SNAP25: variants seen among roughly 807,000 people sequenced by gnomAD.
The protein encoded by SNAP25 is synaptosomal-associated protein 25.
In SNAP25, 3 loss-of-function variants were observed where a neutral mutation model predicts 28.7. The ratio of observed to expected loss-of-function variants is 0.10; its 90% CI spans 0.05 to 0.27. SNAP25 has a LOEUF of 0.27. Among genes scored for constraint, SNAP25 ranks in the 10% least tolerant of loss-of-function variants. The probability of loss-of-function intolerance (pLI) is 1.00; values close to 1 mark genes in which losing one functional copy is unlikely to be tolerated. For missense variants in SNAP25, 117 were observed against 278.7 expected (o/e 0.42, Z 4.13); for synonymous variants, 61 against 88.1 (o/e 0.69, Z 1.72).
At chr20:10,294,446 G>C (rs1316990945) in intron 5 of SNAP25, among the ~76,000 whole-genome samples, 2 of 152,082 alleles carry the variant, frequency 1.3e-5, no homozygotes, top group African/African-American at 4.8e-5. Context: ...GCATGCTCTT[G>C]CTCCCTTCCA....
intron 1 of SNAP25, among the ~76,000 whole-genome samples, chr20:10,269,871 A>G (rs1338721882): frequency 6.6e-6 from 1 of 152,248 alleles, no homozygotes; most frequent in African/African-American, 2.4e-5. Flanking sequence ...CAAGGCCAAT[A>G]CAAGAACAGC....
chr20:10,225,856 G>A (rs2062726222), intron 1 of SNAP25, among the ~76,000 whole-genome samples: 1 of 151,060 alleles, frequency 6.6e-6, no homozygotes, highest in South Asian at 2.1e-4. Context: ...CCTTGAATCA[G>A]TGGTTTCTGT....
At chr20:10,242,280 C>T (rs919988364) in intron 1 of SNAP25, among the ~76,000 whole-genome samples, 11 of 152,128 alleles carry the variant, frequency 7.2e-5, no homozygotes. Flanking sequence ...TCAGCTGATC[C>T]CAGAGGAGCC....
At position 10,299,310 on chromosome 20, in the gene SNAP25, A is replaced by G. The variant is rs1286496425; in HGVS notation, c.450A>G (p.Leu150=). The change falls in exon 7 of 8, where the codon CTA becomes CTG. Residue 150 remains leucine, a synonymous_variant. Transcript: ENST00000254976. ...GAGAAAATGAAATGGATGAAAACCTAGAGCAGGTGAGCGGCATCATCGGGA... is the reference window on the plus strand; with the variant it reads ...GAGAAAATGAAATGGATGAAAACCTGGAGCAGGTGAGCGGCATCATCGGGA... ...DARENEMDEN[L]EQVSGIIGNL... 1 of 1,614,132 alleles carries G rather than the reference A, an allele frequency of 6.2e-7. No individual in the cohort carries two copies. The highest frequency in any genetic ancestry group is 1.1e-5 in the South Asian group (1 of 91,076).
chr20:10,299,699 C>G (rs2064190544), intron 7 of SNAP25, among the ~76,000 whole-genome samples: 1 of 152,222 alleles, frequency 6.6e-6, no homozygotes. Flanking sequence ...GACACCACCC[C>G]TACTGCCAAG....
chr20:10,246,131 C>T (rs1017284847), intron 1 of SNAP25, among the ~76,000 whole-genome samples: 5 of 152,186 alleles, frequency 3.3e-5, no homozygotes, highest in African/African-American at 1.2e-4. Context: ...AGTGGCTTCA[C>T]GGAGAGCATA....
At chr20:10,292,746 C>A (rs2064026098) in intron 4 of SNAP25, 1 of 636,280 alleles carries the variant, frequency 1.6e-6, no homozygotes, top group Non-Finnish European at 2.7e-6. Context: ...CGGTAGCAGT[C>A]TTCAACAATG....
At chr20:10,228,036 A>C (rs1416987911) in intron 1 of SNAP25, among the ~76,000 whole-genome samples, 1 of 152,078 alleles carries the variant, frequency 6.6e-6, no homozygotes, top group African/African-American at 2.4e-5. Context: ...CTGGGAGAGA[A>C]TCATAAGCCT....
At chr20:10,221,512 G>A (rs1201487940) in intron 1 of SNAP25, among the ~76,000 whole-genome samples, 1 of 152,132 alleles carries the variant, frequency 6.6e-6, no homozygotes, top group Admixed American at 6.5e-5. Flanking sequence ...GATGGACATA[G>A]GATGAGCCAG....
chr20:10,237,683 C>A (rs190165594), intron 1 of SNAP25, among the ~76,000 whole-genome samples: 9 of 152,262 alleles, frequency 5.9e-5, no homozygotes, highest in Admixed American at 5.2e-4. Context: ...GTTCTCAGGA[C>A]AACATGCAGG....
intron 4 of SNAP25, among the ~76,000 whole-genome samples, chr20:10,289,918 C>T (rs536616879): frequency 1.3e-5 from 2 of 151,834 alleles, no homozygotes; most frequent in Non-Finnish European, 2.9e-5. Flanking sequence ...AACCAGTGAT[C>T]CAATATCATG....
chr20:10,241,627 A>C (rs2063035604), intron 1 of SNAP25, among the ~76,000 whole-genome samples: 1 of 152,006 alleles, frequency 6.6e-6, no homozygotes, highest in Non-Finnish European at 1.5e-5. Context: ...TCCAAGGAGG[A>C]GATGTTTATG....
rs144282153 is a variant in SNAP25, at chr20:10,243,685, A to G, written c.-64+24708A>G. On this transcript the variant is annotated intron_variant, in intron 1 of 7. Transcript: ENST00000254976. The stretch of plus-strand genomic sequence containing the variant: ...GCTAAGGTAAAGTGGCCTACTCATC[A>G]TTTCATGTCAGGGGATACAGTAGAT... Among the ~76,000 whole-genome samples, 40 of 152,256 alleles carry G rather than the reference A, an allele frequency of 2.6e-4. No individual in the cohort carries two copies. The East Asian group carries it at 4.8e-3, about 18-fold the overall frequency.
chr20:10,227,347 A>G (rs1030662268), intron 1 of SNAP25, among the ~76,000 whole-genome samples: 6 of 152,126 alleles, frequency 3.9e-5, no homozygotes, highest in African/African-American at 9.7e-5. Flanking sequence ...TTCAGTACCT[A>G]TAACAGTGCC....
chr20:10,300,564 G>A (rs1223687591), intron 7 of SNAP25, among the ~76,000 whole-genome samples: 3 of 152,116 alleles, frequency 2.0e-5, no homozygotes, highest in Non-Finnish European at 4.4e-5. Context: ...ATACTTTTAA[G>A]ATTTTTAGAA....
chr20:10,230,646 C>T (rs967205350), intron 1 of SNAP25, among the ~76,000 whole-genome samples: 1 of 152,122 alleles, frequency 6.6e-6, no homozygotes, highest in Non-Finnish European at 1.5e-5. Flanking sequence ...AGTTTGAGAA[C>T]CACTGCCCTA....
chr20:10,245,667 G>A (rs143429500), intron 1 of SNAP25, among the ~76,000 whole-genome samples: 1,658 of 151,170 alleles, frequency 0.011, 31 homozygotes, highest in African/African-American at 0.037. Context: ...ACTTCTGGGC[G>A]ACAGAAATGC....
chr20:10,254,823 T>C (rs905064353), intron 1 of SNAP25, among the ~76,000 whole-genome samples: 1 of 152,210 alleles, frequency 6.6e-6, no homozygotes, highest in Admixed American at 6.5e-5. Context: ...TATTTTTTAA[T>C]GCACTGGGCA....
At chr20:10,252,764 T>C (rs934346328) in intron 1 of SNAP25, among the ~76,000 whole-genome samples, 1 of 151,956 alleles carries the variant, frequency 6.6e-6, no homozygotes, top group African/African-American at 2.4e-5. Context: ...TCATCTTTTT[T>C]TTTTTTTTTT....
Sources: allele counts gnomAD v4.1 joint callset (sites outside exome capture counted in the v4.1 genomes callset), GRCh38; gene constraint gnomAD v4.1.1; transcripts MANE v1.5; gene names NCBI Gene and HGNC (gene_info 2026-07-23, HGNC 2026-07-21).